Variants in TRRAP observed in about 807,000 individuals in gnomAD.
TRRAP encodes the protein transformation/transcription domain-associated protein.
A neutral mutation model predicts 438.8 loss-of-function variants in TRRAP; 41 were observed. The ratio of observed to expected loss-of-function variants is 0.09; its 90% CI spans 0.07 to 0.12. The LOEUF (loss-of-function observed/expected upper bound fraction) is 0.12, where lower values mean the gene tolerates loss of function less well. Ranked by LOEUF, TRRAP falls within the 10% of genes least tolerant of loss-of-function variation. The probability of loss-of-function intolerance (pLI) is 1.00; values close to 1 mark genes in which losing one functional copy is unlikely to be tolerated. For missense variants in TRRAP, 3,122 were observed against 5,055.1 expected (o/e 0.62, Z 11.60); for synonymous variants, 1,994 against 1,962.9 (o/e 1.02, Z -0.42).
chr7:98,881,064 G>C, intron 1 of TRRAP, 26 bp from the exon 2 acceptor site: 1 of 1,124,566 alleles, frequency 8.9e-7, no homozygotes, highest in Non-Finnish European at 1.3e-6. Context: ...TCCATAAATT[G>C]ACTAACTCTA....
Position 98,955,143 on chromosome 7 carries a change from A to G in TRRAP, c.5776A>G (p.Ile1926Val). The G allele has an allele frequency of 6.2e-7, 1 of 1,614,226 alleles. No homozygotes were observed. The highest frequency in any genetic ancestry group is 8.5e-7 in the Non-Finnish European group (1 of 1,180,036). The change falls in exon 41 of 73, where the codon ATC (isoleucine) becomes GTC (valine). Residue 1926 changes from isoleucine to valine, a missense_variant. Ile to Val is a conservative substitution (Grantham distance 29). This residue lies in a region of TRRAP where 35 missense variants were observed against 104.9 expected (regional missense o/e 0.33). Coordinates refer to ENST00000456197, the MANE Select transcript of TRRAP (RefSeq NM_001375524.1). ...LKAHAMEARA[I>V]VRQAMAILTP... The stretch of plus-strand genomic sequence containing the variant: ...GGCTCACGCAATGGAAGCTCGAGCG[A>G]TCGTCAGACAGGCGATGGCCATTCT...
At chr7:98,887,031 G>A (rs1160529412) in intron 3 of TRRAP, among the ~76,000 whole-genome samples, 1 of 152,086 alleles carries the variant, frequency 6.6e-6, no homozygotes, top group Non-Finnish European at 1.5e-5. Flanking sequence ...CCCCCAAGTA[G>A]CAGGGACTAC....
intron 27 of TRRAP, 124 bp downstream of exon 27, chr7:98,933,526 C>A: frequency 7.6e-7 from 1 of 1,322,136 alleles, no homozygotes; most frequent in Non-Finnish European, 1.0e-6. Context: ...TGCAGGTAAC[C>A]CACTGACACC....
intron 41 of TRRAP, 72 bp downstream of exon 41, chr7:98,955,376 G>C: frequency 1.4e-6 from 2 of 1,450,426 alleles, no homozygotes; most frequent in Non-Finnish European, 1.9e-6. Flanking sequence ...ACCTTGTCTT[G>C]TTCTGCAATA....
At chr7:98,885,292 C>T (rs573257081) in intron 3 of TRRAP, among the ~76,000 whole-genome samples, 1 of 151,810 alleles carries the variant, frequency 6.6e-6, no homozygotes, top group Admixed American at 6.6e-5. Context: ...GCTATGTTAC[C>T]CAGTCTGGTT....
intron 6 of TRRAP, among the ~76,000 whole-genome samples, chr7:98,894,623 G>GTT (rs11368752): frequency 5.4e-4 from 81 of 148,670 alleles, no homozygotes; most frequent in South Asian, 5.3e-3. Flanking sequence ...TTCTTTTGTT[G>GTT]TTTTTTTTTA....
chr7:98,961,691 G>A (rs570681173), intron 46 of TRRAP, among the ~76,000 whole-genome samples: 1 of 152,140 alleles, frequency 6.6e-6, no homozygotes, highest in Non-Finnish European at 1.5e-5. Context: ...AGGCCGAGGC[G>A]GGCGGATCAC....
intron 3 of TRRAP, among the ~76,000 whole-genome samples, chr7:98,885,713 C>T (rs923152671): frequency 2.0e-5 from 3 of 151,450 alleles, no homozygotes. Context: ...AAGAGTATAC[C>T]CTGCATTCTG....
intron 48 of TRRAP, 77 bp from the exon 49 acceptor site, chr7:98,965,619 C>G: frequency 6.3e-7 from 1 of 1,590,166 alleles, no homozygotes; most frequent in Non-Finnish European, 8.6e-7. Context: ...ACCCAGCATG[C>G]CAGGCAAGGC....
At chr7:98,959,628 G>A in intron 45 of TRRAP, 138 bp downstream of exon 45, 1 of 1,271,052 alleles carries the variant, frequency 7.9e-7, no homozygotes, top group Non-Finnish European at 1.1e-6. Flanking sequence ...CCCTTTGCCA[G>A]TCATGGCCTC....
intron 40 of TRRAP, among the ~76,000 whole-genome samples, chr7:98,953,863 C>T (rs1468799424): frequency 1.3e-5 from 2 of 152,102 alleles, no homozygotes; most frequent in African/African-American, 4.8e-5. Context: ...CACTGTGAGC[C>T]CTCCCATGAC....
chr7:98,996,679 G>T (rs1793674691), intron 67 of TRRAP, among the ~76,000 whole-genome samples: 1 of 152,056 alleles, frequency 6.6e-6, no homozygotes, highest in Non-Finnish European at 1.5e-5. Flanking sequence ...GTCCTGAATG[G>T]AAGTGCATGA....
At chr7:98,921,205 A>G (rs1584313677) in intron 20 of TRRAP, among the ~76,000 whole-genome samples, 1 of 152,336 alleles carries the variant, frequency 6.6e-6, no homozygotes, top group East Asian at 1.9e-4. Flanking sequence ...TTTATATTCC[A>G]GGAGCATGGA....
rs940916034 is a variant in TRRAP, at chr7:99,002,224, C to T, written c.10310-1966C>T. On this transcript the variant is annotated intron_variant, in intron 67 of 72. Transcript: ENST00000456197. ...GCAACTGATTGTGCTGGTGGCTCTG[C>T]GAGGCCACACAGTGACATGACCAGA... 9.9e-5 allele frequency among the ~76,000 whole-genome samples: 15 copies of T among 152,256 alleles called. No homozygotes were observed. In the South Asian group the frequency reaches 2.7e-3, roughly 27 times the overall value.
rs1342723209 is a variant in TRRAP at position 98,984,247 on chromosome 7, G to T, written c.9177G>T (p.Arg3059=). ...ATGTAGCTCTGGATATATTAAGTCGGATTCATACTATTCCAACTGTTCCTA... is the reference window on the plus strand; with the variant it reads ...ATGTAGCTCTGGATATATTAAGTCGTATTCATACTATTCCAACTGTTCCTA... ...LVNVALDILS[R]IHTIPTVPIV... The change falls in exon 61 of 73, where the codon CGG becomes CGT. Residue 3059 remains arginine, a synonymous_variant. Coordinates refer to ENST00000456197, the MANE Select transcript of TRRAP (RefSeq NM_001375524.1). 2 of 1,613,888 alleles carry T rather than the reference G, an allele frequency of 1.2e-6. No homozygotes were observed. Among genetic ancestry groups the T allele is most frequent in the African/African-American group, 1.3e-5 (1 of 74,916 alleles).
intron 52 of TRRAP, 101 bp downstream of exon 52, chr7:98,970,392 G>C: frequency 2.8e-6 from 4 of 1,422,658 alleles, no homozygotes; most frequent in Non-Finnish European, 3.8e-6. Context: ...GTGCCCCACG[G>C]GCAGAATCCC....
chr7:99,004,063 A>T, intron 67 of TRRAP, 127 bp from the exon 68 acceptor site: 1 of 960,528 alleles, frequency 1.0e-6, no homozygotes. Context: ...ACAAGAGTGA[A>T]ACTTCATCTC....
chr7:98,929,750 T>G (rs1381820223), intron 23 of TRRAP, among the ~76,000 whole-genome samples: 1 of 152,070 alleles, frequency 6.6e-6, no homozygotes, highest in Non-Finnish European at 1.5e-5. Context: ...CCTGCCACCA[T>G]GCCTGGCTAA....
At chr7:98,986,952 C>T (rs971553891) in intron 62 of TRRAP, among the ~76,000 whole-genome samples, 1 of 152,122 alleles carries the variant, frequency 6.6e-6, no homozygotes, top group Non-Finnish European at 1.5e-5. Flanking sequence ...GCTGAAAAGT[C>T]TAGTCTTTCT....
Sources: gnomAD v4.1 joint callset for allele counts (sites outside exome capture counted in the v4.1 genomes callset) on GRCh38, gnomAD v4.1.1 for gene constraint, gnomAD v4.1.1 regional missense constraint, MANE v1.5 for transcripts, NCBI Gene and HGNC (gene_info 2026-07-23, HGNC 2026-07-21) for gene names.